Variants in ILKAP observed in about 807,000 individuals in gnomAD.
ILKAP encodes integrin-linked kinase-associated serine/threonine phosphatase 2C.
A neutral mutation model predicts 49.1 loss-of-function variants in ILKAP; 11 were observed. The observed-to-expected ratio is 0.22, with a 90% CI of 0.14 to 0.37. The LOEUF is 0.37. Among genes scored for constraint, ILKAP ranks in the 10% least tolerant of loss-of-function variants. ILKAP has a pLI of 1.00. For synonymous variants in ILKAP, 186 were observed against 192.8 expected, an observed-to-expected ratio of 0.96 and a Z score of 0.29; for missense variants, 363 against 510.8, an observed-to-expected ratio of 0.71 and a Z score of 2.79.
intron 5 of ILKAP, among the ~76,000 whole-genome samples, 156 bp downstream of exon 5, chr2:238,187,974 TG>T (rs1693973777): frequency 6.6e-6 from 1 of 152,210 alleles, no homozygotes; most frequent in African/African-American, 2.4e-5. Context: ...AAATGTCCCC[TG>T]GGCGGGGAGC....
intron 6 of ILKAP, 58 bp downstream of exon 6, chr2:238,185,123 A>T: frequency 9.3e-7 from 1 of 1,074,446 alleles, no homozygotes; most frequent in South Asian, 1.3e-5. Context: ...TGCTTCACAC[A>T]GCCAACCAAA....
At chr2:238,192,208 A>G (rs1694157931) in intron 3 of ILKAP, among the ~76,000 whole-genome samples, 1 of 151,774 alleles carries the variant, frequency 6.6e-6, no homozygotes, top group Non-Finnish European at 1.5e-5. Flanking sequence ...TGTCTTAAAA[A>G]AAAAAAAAGA....
chr2:238,181,201 T>TA (rs1693677379), intron 9 of ILKAP, among the ~76,000 whole-genome samples: 1 of 152,196 alleles, frequency 6.6e-6, no homozygotes, highest in African/African-American at 2.4e-5. Flanking sequence ...GAAGAGAAAC[T>TA]ACACTTCAAA....
intron 9 of ILKAP, 115 bp downstream of exon 9, chr2:238,181,950 G>A (rs1693711280): frequency 6.3e-6 from 7 of 1,106,982 alleles, no homozygotes; most frequent in Non-Finnish European, 9.2e-6. Flanking sequence ...CTCAGACAGA[G>A]CCTCGTCACA....
intron 1 of ILKAP, among the ~76,000 whole-genome samples, chr2:238,201,911 A>G: frequency 6.6e-6 from 1 of 152,192 alleles, no homozygotes; most frequent in East Asian, 1.9e-4. Context: ...CCAGTTACTG[A>G]GATGCTCTGT....
chr2:238,193,210 T>C (rs972585350), intron 3 of ILKAP, among the ~76,000 whole-genome samples: 1 of 152,216 alleles, frequency 6.6e-6, no homozygotes, highest in Non-Finnish European at 1.5e-5. Context: ...AACAGCCTTC[T>C]TTGAACATAT....
intron 9 of ILKAP, 115 bp from the exon 10 acceptor site, chr2:238,173,768 T>C: frequency 8.3e-7 from 1 of 1,201,172 alleles, no homozygotes; most frequent in Non-Finnish European, 1.2e-6. Context: ...GACTGTGGAA[T>C]TCACATTATT....
chr2:238,202,036 C>A (rs1024772354), intron 1 of ILKAP, among the ~76,000 whole-genome samples: 1 of 152,050 alleles, frequency 6.6e-6, no homozygotes, highest in Admixed American at 6.5e-5. Context: ...ACCACCCTAC[C>A]CAACATGGTG....
chr2:238,194,590 A>G (rs929433403), intron 2 of ILKAP: 3 of 610,074 alleles, frequency 4.9e-6, no homozygotes, highest in African/African-American at 1.8e-5. Flanking sequence ...GAACCAGAGA[A>G]AACTGCTCCA....
chr2:238,192,516 G>A (rs936626416), intron 3 of ILKAP, among the ~76,000 whole-genome samples: 3 of 151,986 alleles, frequency 2.0e-5, no homozygotes, highest in African/African-American at 7.2e-5. Flanking sequence ...TGGCTAACAT[G>A]GTGAAACCCC....
intron 6 of ILKAP, among the ~76,000 whole-genome samples, chr2:238,184,380 G>A (rs1389548887): frequency 6.6e-6 from 1 of 152,074 alleles, no homozygotes; most frequent in Non-Finnish European, 1.5e-5. Flanking sequence ...AGTAGAGACA[G>A]GGTTTCACCA....
intron 1 of ILKAP, among the ~76,000 whole-genome samples, chr2:238,199,649 T>G (rs1694488522): frequency 6.6e-6 from 1 of 152,238 alleles, no homozygotes; most frequent in Admixed American, 6.5e-5. Context: ...ATAGTATCAT[T>G]TGTCCTGCAG....
chr2:238,194,960 G>T, intron 1 of ILKAP, 90 bp from the exon 2 acceptor site: 1 of 1,057,662 alleles, frequency 9.5e-7, no homozygotes. Flanking sequence ...CCCCTGCTTT[G>T]ACACAAGTTT....
chr2:238,201,738 C>A (rs1559304036), intron 1 of ILKAP, among the ~76,000 whole-genome samples: 2 of 152,208 alleles, frequency 1.3e-5, no homozygotes, highest in African/African-American at 4.8e-5. Flanking sequence ...TAGGTTTACA[C>A]GCACACTGGT....
At chr2:238,174,471 G>A (rs1247678976) in intron 9 of ILKAP, among the ~76,000 whole-genome samples, 3 of 152,200 alleles carry the variant, frequency 2.0e-5, no homozygotes, top group East Asian at 3.8e-4. Context: ...AGAGCACTCC[G>A]CAAATGCCAC....
chr2:238,182,244 ACCAGTTG>A, intron 8 of ILKAP, 58 bp from the exon 9 acceptor site: 3 of 1,594,052 alleles, frequency 1.9e-6, no homozygotes, highest in African/African-American at 2.7e-5. Flanking sequence ...ATCTAAAGGT[ACCAGTTG>A]AAAAAAACAG....
intron 9 of ILKAP, among the ~76,000 whole-genome samples, chr2:238,177,139 G>A (rs1053704153): frequency 3.3e-5 from 5 of 152,102 alleles, no homozygotes; most frequent in Admixed American, 2.0e-4. Flanking sequence ...TACCTTCAAT[G>A]TAAGAAAGTA....
At position 238,191,946 on chromosome 2, in the gene ILKAP, C is replaced by T. The variant is rs191407034; in HGVS notation, c.179-1974G>A. Among the ~76,000 whole-genome samples, 14 of 150,854 alleles carry T rather than the reference C, an allele frequency of 9.3e-5. No homozygotes were observed. In the South Asian group the frequency reaches 2.7e-3, roughly 29 times the overall value. The stretch of plus-strand genomic sequence containing the variant: ...AAAAGAAAAAGGCCAGGCGCAGCGG[C>T]TCATGCCTGTAATCCCAGCACTTTG... On this transcript the variant is annotated intron_variant, in intron 3 of 11. Transcript: ENST00000254654.
intron 1 of ILKAP, among the ~76,000 whole-genome samples, chr2:238,203,102 G>GGC (rs1378114755): frequency 6.6e-6 from 1 of 151,636 alleles, no homozygotes; most frequent in African/African-American, 2.4e-5. Flanking sequence ...GCCGCGGGCG[G>GGC]GCGACGCGCA....
Sources: allele counts gnomAD v4.1 joint callset (sites outside exome capture counted in the v4.1 genomes callset), GRCh38; gene constraint gnomAD v4.1.1; transcripts MANE v1.5; gene names NCBI Gene and HGNC (gene_info 2026-07-23, HGNC 2026-07-21).